CLSPN: variants seen among roughly 807,000 people sequenced by gnomAD.
The protein encoded by CLSPN is claspin.
CLSPN carries 85 observed loss-of-function variants against 156.3 expected under a neutral mutation model. The observed-to-expected ratio is 0.54, with a 90% CI of 0.46 to 0.65. The LOEUF is 0.65. Ranked by LOEUF, CLSPN falls within the 30% of genes least tolerant of loss-of-function variation. The pLI is 0.00. For synonymous variants in CLSPN, 534 were observed against 542.4 expected, an observed-to-expected ratio of 0.98 and a Z score of 0.22; for missense variants, 1,407 against 1,554.9, an observed-to-expected ratio of 0.90 and a Z score of 1.60.
chr1:35,769,472 G>C (rs1481690401), intron 1 of CLSPN, among the ~76,000 whole-genome samples: 1 of 152,236 alleles, frequency 6.6e-6, no homozygotes, highest in Non-Finnish European at 1.5e-5. Flanking sequence ...CGCTGCGGCC[G>C]GGTTCGGCTA....
chr1:35,769,351 C>T (rs1297539728), intron 1 of CLSPN, among the ~76,000 whole-genome samples: 3 of 152,204 alleles, frequency 2.0e-5, no homozygotes, highest in African/African-American at 7.2e-5. Context: ...GGGGCCCGGT[C>T]GGAAAACGCA....
chr1:35,756,535 C>T (rs1642276041), intron 8 of CLSPN, among the ~76,000 whole-genome samples: 1 of 152,142 alleles, frequency 6.6e-6, no homozygotes, highest in Non-Finnish European at 1.5e-5. Flanking sequence ...CTCTATTAGT[C>T]CATCACCTCT....
At chr1:35,764,234 C>T in intron 3 of CLSPN, 32 bp downstream of exon 3, 1 of 1,394,838 alleles carries the variant, frequency 7.2e-7, no homozygotes, top group Non-Finnish European at 9.7e-7. Flanking sequence ...TTAACCTACC[C>T]AAGCAATAGC....
Position 35,764,331 on chromosome 1 carries a change from G to C in CLSPN, c.517C>G (p.Leu173Val). The change falls in exon 3 of 25, where the codon CTT (leucine) becomes GTT (valine). Residue 173 changes from leucine (L) to valine (V), a missense_variant. Leu to Val is a conservative substitution (Grantham distance 32, BLOSUM62 1). Coordinates refer to ENST00000318121, the MANE Select transcript of CLSPN (RefSeq NM_022111.4). ...GKAKVKSKRR[L>V]EKEERKMEKI... is the part of the protein sequence containing the mutation. ...TCCATTTTTCTCTCCTCTTTCTCAA[G>C]TCTTCTTTTTGATTTTACTTTTGCT... 2 of 1,600,606 alleles carry C rather than the reference G, an allele frequency of 1.2e-6. No individual in the cohort carries two copies. The highest frequency in any genetic ancestry group is 1.7e-6 in the Non-Finnish European group (2 of 1,176,562).
At chr1:35,737,216 T>C in intron 23 of CLSPN, 123 bp downstream of exon 23, 1 of 1,233,444 alleles carries the variant, frequency 8.1e-7, no homozygotes, top group Non-Finnish European at 1.2e-6. Flanking sequence ...CAGACTCCTT[T>C]GACATTAACT....
chr1:35,745,814 G>A (rs1255524736), intron 15 of CLSPN, among the ~76,000 whole-genome samples: 2 of 152,204 alleles, frequency 1.3e-5, no homozygotes, highest in Non-Finnish European at 2.9e-5. Context: ...TAGCAGTTGT[G>A]TGTATTGGGG....
Position 35,764,322 on chromosome 1 carries a change from C to T in CLSPN, c.526G>A (p.Glu176Lys), listed in dbSNP as rs1642592409. The change falls in exon 3 of 25, where the codon GAG becomes AAG. Residue 176 changes from glutamate to lysine, a missense_variant. Transcript: ENST00000318121. Reference sequence around the variant, plus strand: ...CTAATTTTTTCCATTTTTCTCTCCTCTTTCTCAAGTCTTCTTTTTGATTTT... The same window carrying T: ...CTAATTTTTTCCATTTTTCTCTCCTTTTTCTCAAGTCTTCTTTTTGATTTT... ...KVKSKRRLEKEERKMEKIRQL... is the reference protein window; with the variant it reads ...KVKSKRRLEKKERKMEKIRQL... The T allele has an allele frequency of 2.5e-6, 4 of 1,597,534 alleles. No individual in the cohort carries two copies. The highest frequency in any genetic ancestry group is 2.3e-5 in the South Asian group (2 of 85,964).
chr1:35,731,299 T>C (rs1641312016), downstream of CLSPN, among the ~76,000 whole-genome samples: 1 of 151,964 alleles, frequency 6.6e-6, no homozygotes, highest in African/African-American at 2.4e-5. Context: ...TTGAGAATTA[T>C]GCATTAGTCA....
intron 1 of CLSPN, 67 bp downstream of exon 1, chr1:35,769,780 C>A: frequency 1.3e-6 from 2 of 1,488,338 alleles, no homozygotes; most frequent in Non-Finnish European, 9.0e-7. Flanking sequence ...GGGTCTACCC[C>A]GGCCCCACCT....
intron 13 of CLSPN, 136 bp downstream of exon 13, chr1:35,748,269 A>C (rs1480098500): frequency 2.0e-5 from 20 of 987,554 alleles, no homozygotes; most frequent in Non-Finnish European, 3.1e-5. Context: ...TAATACACAA[A>C]GGGGGTGGAT....
In CLSPN at chr1:35,734,322, A is replaced by G; in HGVS notation, c.*2174T>C. On this transcript the variant is annotated 3_prime_UTR_variant, in exon 25 of 25. Coordinates refer to ENST00000318121, the MANE Select transcript of CLSPN (RefSeq NM_022111.4). Reference sequence around the variant, plus strand: ...AAACATCTTTATACACATTTTCCCCATTATAAGATTACAAGTATACAAACA... The same window carrying G: ...AAACATCTTTATACACATTTTCCCCGTTATAAGATTACAAGTATACAAACA... 1 of 984,994 alleles carries G rather than the reference A, an allele frequency of 1.0e-6. No individual in the cohort carries two copies. Among genetic ancestry groups the G allele is most frequent in the Non-Finnish European group, 1.2e-6 (1 of 829,528 alleles). 61.0% of individuals were successfully genotyped at this position (984,994 alleles called of 1,614,324 possible). A position where few individuals can be genotyped will look rare whatever the true frequency, so the allele number is the denominator to read the frequency against.
chr1:35,745,519 C>T lies in CLSPN; in HGVS notation c.2898G>A (p.Lys966=), dbSNP rs768080520. Residue 966 remains lysine, a synonymous_variant, in exon 16 of 25, where the codon AAG becomes AAA. Transcript: ENST00000318121. The part of the protein sequence containing the change: ...PASSELNKQE[K]ESSMGDPMEE... ...CCATTGGATCACCCATGCTGCTCTC[C>T]TTCTCCTGTTTATTTAACTCTGATG... 1.7e-5 allele frequency: 27 copies of T among 1,613,972 alleles called. No individual in the cohort carries two copies. The highest frequency in any genetic ancestry group is 1.8e-5 in the Non-Finnish European group (21 of 1,179,960).
At chr1:35,750,456 T>C (rs1441048825) in intron 10 of CLSPN, among the ~76,000 whole-genome samples, 4 of 151,620 alleles carry the variant, frequency 2.6e-5, no homozygotes, top group African/African-American at 9.7e-5. Context: ...GGCTAGAGTA[T>C]AGTGGCACAA....
At position 35,735,155 on chromosome 1, in the gene CLSPN, G is replaced by T. The variant is rs1641422472; in HGVS notation, c.*1341C>A. On this transcript the variant is annotated 3_prime_UTR_variant, in exon 25 of 25. Transcript: ENST00000318121. Reference sequence around the variant, plus strand: ...TTTGAACAACAGTGCTTCAAATTGAGAATTCAGTCCCAGGAAGGGTCTCTC... The same window carrying T: ...TTTGAACAACAGTGCTTCAAATTGATAATTCAGTCCCAGGAAGGGTCTCTC... 2 of 985,278 alleles carry T rather than the reference G, an allele frequency of 2.0e-6. No individual in the cohort carries two copies. The highest frequency in any genetic ancestry group is 1.2e-4 in the Admixed American group (2 of 16,266). 61.0% of individuals were successfully genotyped at this position (985,278 alleles called of 1,614,324 possible).
Position 35,736,218 on chromosome 1 carries a change from TAAAAAAA to T in CLSPN, c.*271_*277del. 1.1e-6 allele frequency: 1 copy of T among 895,668 alleles called. No homozygotes were observed. 55.5% of individuals were successfully genotyped at this position (895,668 alleles called of 1,614,324 possible). The stretch of plus-strand genomic sequence containing the variant: ...GGGCAACAGAGTGAGACTCCCATCT[TAAAAAAA>T]AAAAAAAAAAGGAAACCTCACCCAA... On this transcript the variant is annotated 3_prime_UTR_variant, in exon 25 of 25. Coordinates refer to ENST00000318121, the MANE Select transcript of CLSPN (RefSeq NM_022111.4).
chr1:35,762,107 A>G (rs930961685), intron 5 of CLSPN, 37 bp from the exon 6 acceptor site: 1 of 1,399,848 alleles, frequency 7.1e-7, no homozygotes, highest in Non-Finnish European at 1.0e-6. Context: ...CATTAATTAT[A>G]TGAATATCCA....
chr1:35,732,587 C>T lies in CLSPN; in HGVS notation c.*3909G>A. 1.0e-6 allele frequency: 1 copy of T among 985,382 alleles called. No individual in the cohort carries two copies. Among genetic ancestry groups the T allele is most frequent in the Non-Finnish European group, 1.2e-6 (1 of 829,908 alleles). 61.0% of individuals were successfully genotyped at this position (985,382 alleles called of 1,614,324 possible). On this transcript the variant is annotated 3_prime_UTR_variant, in exon 25 of 25. Coordinates refer to ENST00000318121, the MANE Select transcript of CLSPN (RefSeq NM_022111.4). ...TTAAAGAGGTTAATACCATGTATCC[C>T]TACTCAAGTGTATGGAACAAGGAAG... is the stretch of plus-strand genomic sequence containing the variant.
Position 35,736,235 on chromosome 1 carries a change from A to G in CLSPN, c.*261T>C. On this transcript the variant is annotated 3_prime_UTR_variant, in exon 25 of 25. Coordinates refer to ENST00000318121, the MANE Select transcript of CLSPN (RefSeq NM_022111.4). ...TCCCATCTTAAAAAAAAAAAAAAAA[A>G]GGAAACCTCACCCAAGTATTCCATG... 4.7e-6 allele frequency: 5 copies of G among 1,054,018 alleles called. No individual in the cohort carries two copies. Among genetic ancestry groups the G allele is most frequent in the Non-Finnish European group, 5.7e-6 (5 of 874,562 alleles). The allele number at this position is 1,054,018 out of a possible 1,614,324, so 65.3% of individuals were successfully genotyped here.
Position 35,735,688 on chromosome 1 carries a change from A to G in CLSPN, c.*808T>C. The G allele has an allele frequency of 1.0e-6, 1 of 979,624 alleles. No homozygotes were observed. Among genetic ancestry groups the G allele is most frequent in the African/African-American group, 1.8e-5 (1 of 57,094 alleles). 60.7% of individuals were successfully genotyped at this position (979,624 alleles called of 1,614,324 possible). A position where few individuals can be genotyped will look rare whatever the true frequency, so the allele number is the denominator to read the frequency against. On this transcript the variant is annotated 3_prime_UTR_variant, in exon 25 of 25. Transcript: ENST00000318121. ...GCGCCACTGCACTCCAGACTGGGCA[A>G]CAAAGTGAGACTATCTCAAAAAAAA... is the stretch of plus-strand genomic sequence containing the variant.
Sources: allele counts gnomAD v4.1 joint callset (sites outside exome capture counted in the v4.1 genomes callset), GRCh38; gene constraint gnomAD v4.1.1; transcripts MANE v1.5; gene names NCBI Gene and HGNC (gene_info 2026-07-23, HGNC 2026-07-21).